The following ITGA8 variants were observed in gnomAD, a reference collection of about 807,000 sequenced individuals.
The protein encoded by ITGA8 is integrin subunit alpha 8, also known as integrin alpha-8.
Under a neutral mutation model 142.3 loss-of-function variants are expected in ITGA8, and 91 were observed. The ratio of observed to expected loss-of-function variants is 0.64; its 90% CI spans 0.54 to 0.76. The LOEUF (loss-of-function observed/expected upper bound fraction) is 0.76, where lower values mean the gene tolerates loss of function less well. Ranked by LOEUF, ITGA8 falls within the 30% of genes least tolerant of loss-of-function variation. The pLI is 0.00. For missense variants in ITGA8, 1,406 were observed against 1,327.7 expected (o/e 1.06, Z -0.92); for synonymous variants, 505 against 485.2 (o/e 1.04, Z -0.54).
At chr10:15,698,929 A>G (rs941031220) in intron 2 of ITGA8, among the ~76,000 whole-genome samples, 5 of 152,264 alleles carry the variant, frequency 3.3e-5, no homozygotes, top group Non-Finnish European at 7.4e-5. Flanking sequence ...AGTCCCAGAT[A>G]TCTATCTTTG....
chr10:15,698,562 C>T (rs1001230995), intron 2 of ITGA8, among the ~76,000 whole-genome samples: 10 of 152,306 alleles, frequency 6.6e-5, no homozygotes, highest in African/African-American at 2.2e-4. Context: ...ACAACATCCA[C>T]ACCAACATCT....
chr10:15,717,950 T>A (rs537811794), intron 2 of ITGA8, among the ~76,000 whole-genome samples: 1 of 152,392 alleles, frequency 6.6e-6, no homozygotes, highest in East Asian at 1.9e-4. Flanking sequence ...CGATTATTTA[T>A]CAAGGACCAT....
rs1462757419 is a variant in ITGA8 at position 15,644,213 on chromosome 10, T to G, written c.1216A>C (p.Ile406Leu). The G allele has an allele frequency of 6.2e-7, 1 of 1,613,402 alleles. No homozygotes were observed. Among genetic ancestry groups the G allele is most frequent in the East Asian group, 2.2e-5 (1 of 44,838 alleles). Residue 406 changes from isoleucine to leucine, a missense_variant, in exon 13 of 30, where the codon ATC becomes CTC. Transcript: ENST00000378076. ...TCCTTGCCTGCAAAAGGCACTCCGA[T>G]GGCAATGTCTAAAAACAGACATAAA... ...LNQDGYNDIA[I>L]GVPFAGKDQR...
intron 8 of ITGA8, among the ~76,000 whole-genome samples, chr10:15,665,876 A>G (rs1206528630): frequency 6.6e-6 from 1 of 152,060 alleles, no homozygotes; most frequent in Admixed American, 6.6e-5. Flanking sequence ...ATTGATCTAT[A>G]TCTCTGTTTT....
intron 12 of ITGA8, 136 bp from the exon 13 acceptor site, chr10:15,644,357 T>C (rs1018119163): frequency 1.4e-6 from 1 of 713,418 alleles, no homozygotes; most frequent in African/African-American, 1.8e-5. Flanking sequence ...AGCCCCACAC[T>C]CCCGGACTCA....
At chr10:15,520,939 T>C (rs1588621759) in intron 28 of ITGA8, among the ~76,000 whole-genome samples, 1 of 152,160 alleles carries the variant, frequency 6.6e-6, no homozygotes, top group Admixed American at 6.5e-5. Flanking sequence ...GCAGGAAATG[T>C]ATTGGTGTTT....
In ITGA8 at chr10:15,677,552, A is replaced by G. The variant is rs9333099; in HGVS notation, c.676+40T>C. On this transcript the variant is annotated intron_variant, in intron 6 of 29. Transcript: ENST00000378076. ...CTTCTGGGTCCATCCTTCTGTTAGT[A>G]ACAACAAATGTGCTTTTCTTGTCTG... The G allele has an allele frequency of 8.9e-4, 1,393 of 1,570,126 alleles. 20 individuals carry two copies. In the African/African-American group the frequency reaches 0.017, roughly 19 times the overall value.
At chr10:15,548,087 T>G (rs1833712462) in intron 27 of ITGA8, among the ~76,000 whole-genome samples, 1 of 151,270 alleles carries the variant, frequency 6.6e-6, no homozygotes, top group South Asian at 2.1e-4. Flanking sequence ...AAGTTTAAAA[T>G]TCAAGTTTTA....
At chr10:15,565,741 C>T (rs967578506) in intron 25 of ITGA8, among the ~76,000 whole-genome samples, 1 of 151,656 alleles carries the variant, frequency 6.6e-6, no homozygotes, top group Non-Finnish European at 1.5e-5. Flanking sequence ...AGGCACCCAC[C>T]ACCACGCCCA....
At chr10:15,612,050 A>G (rs1479587464) in intron 15 of ITGA8, among the ~76,000 whole-genome samples, 1 of 152,166 alleles carries the variant, frequency 6.6e-6, no homozygotes, top group Non-Finnish European at 1.5e-5. Flanking sequence ...TTGTTCATTT[A>G]ATCATGCAGG....
intron 2 of ITGA8, among the ~76,000 whole-genome samples, chr10:15,711,451 G>A (rs1835362303): frequency 6.6e-6 from 1 of 151,888 alleles, no homozygotes; most frequent in Admixed American, 6.6e-5. Flanking sequence ...TAACTCTCTT[G>A]CCTTCTCCAT....
chr10:15,546,185 G>A (rs1488934853), intron 27 of ITGA8, among the ~76,000 whole-genome samples: 2 of 152,010 alleles, frequency 1.3e-5, no homozygotes, highest in Admixed American at 6.6e-5. Flanking sequence ...TTATCCCACT[G>A]CCCTGATCTC....
chr10:15,534,716 T>G (rs1252432404), intron 27 of ITGA8, among the ~76,000 whole-genome samples: 2 of 151,996 alleles, frequency 1.3e-5, no homozygotes, highest in Non-Finnish European at 2.9e-5. Flanking sequence ...AAGGGGATAT[T>G]GATAAGCTCT....
intron 8 of ITGA8, among the ~76,000 whole-genome samples, chr10:15,666,136 C>T (rs1834387515): frequency 6.6e-6 from 1 of 152,146 alleles, no homozygotes; most frequent in South Asian, 2.1e-4. Flanking sequence ...AATATTGATT[C>T]TTCCTACCCA....
rs866266702 is a variant in ITGA8 at position 15,567,224 on chromosome 10, A to G, written c.2637+4987T>C. ...TCATTATGAAACTTTTGGCTCCTCA[A>G]TAGGTTTTACTTTTTCAACCTCATC... On this transcript the variant is annotated intron_variant, in intron 25 of 29. Transcript: ENST00000378076. Among the ~76,000 whole-genome samples, 4 of 152,188 alleles carry G rather than the reference A, an allele frequency of 2.6e-5. No individual in the cohort carries two copies. In the East Asian group the frequency reaches 5.8e-4, roughly 22 times the overall value.
At chr10:15,561,215 A>ATATATATATATATATATATG (rs200898205) in intron 25 of ITGA8, among the ~76,000 whole-genome samples, 1 of 102,508 alleles carries the variant, frequency 9.8e-6, no homozygotes, top group African/African-American at 4.6e-5. Context: ...TTGGCTATAT[A>ATATATATATATATATATATG]TATATATATA....
chr10:15,542,213 C>CA (rs940932454), intron 27 of ITGA8, among the ~76,000 whole-genome samples: 8 of 152,146 alleles, frequency 5.3e-5, no homozygotes, highest in Non-Finnish European at 1.0e-4. Context: ...TCGAATCTTG[C>CA]AATTTTGAAT....
At chr10:15,639,280 A>T (rs1833827115) in intron 13 of ITGA8, among the ~76,000 whole-genome samples, 1 of 152,210 alleles carries the variant, frequency 6.6e-6, no homozygotes, top group Non-Finnish European at 1.5e-5. Flanking sequence ...GCTAGGGCTT[A>T]GCAAACCAGT....
chr10:15,666,581 A>C (rs1337475582), intron 8 of ITGA8, among the ~76,000 whole-genome samples: 1 of 152,174 alleles, frequency 6.6e-6, no homozygotes, highest in Non-Finnish European at 1.5e-5. Context: ...GAGAGAGGGC[A>C]TCCCTGTCTT....
Sources: gnomAD v4.1 joint callset for allele counts (sites outside exome capture counted in the v4.1 genomes callset) on GRCh38, gnomAD v4.1.1 for gene constraint, MANE v1.5 for transcripts, NCBI Gene and HGNC (gene_info 2026-07-23, HGNC 2026-07-21) for gene names.